The following PHC3 variants were observed in gnomAD, a reference collection of about 807,000 sequenced individuals.
The protein encoded by PHC3 is polyhomeotic-like protein 3.
A neutral mutation model predicts 107.4 loss-of-function variants in PHC3; 13 were observed. That is an observed-to-expected ratio of 0.12 (90% CI 0.08 to 0.19). PHC3 has a LOEUF of 0.19. PHC3 is among the 10% of genes least tolerant of loss of function. The pLI, the probability that PHC3 is intolerant of heterozygous loss-of-function variation, is 1.00. For synonymous variants in PHC3, 456 were observed against 427.4 expected (o/e 1.07, Z -0.83); for missense variants, 992 against 1,210.9 (o/e 0.82, Z 2.68).
chr3:170,171,146 T>G, intron 4 of PHC3: 1 of 570,250 alleles, frequency 1.8e-6, no homozygotes, highest in Non-Finnish European at 3.1e-6. Flanking sequence ...TCAGTGCAAA[T>G]GGATATACAA....
chr3:170,165,383 A>G (rs1728551683), intron 4 of PHC3, among the ~76,000 whole-genome samples: 1 of 152,208 alleles, frequency 6.6e-6, no homozygotes, highest in Non-Finnish European at 1.5e-5. Flanking sequence ...CATCACGTCC[A>G]GAACCAGGAA....
Position 170,117,290 on chromosome 3 carries a change from T to G in PHC3, c.2129A>C (p.Lys710Thr). The change falls in exon 10 of 15, where the codon AAA becomes ACA. Residue 710 changes from lysine to threonine, a missense_variant. Physicochemically the swap from Lys to Thr is moderately conservative, Grantham distance 78. Transcript: ENST00000495893. Reference protein sequence around the residue: ...IENKPPQAIVKPQILTHVIEG... With the variant: ...IENKPPQAIVTPQILTHVIEG... ...AATAACATGGGTTAGGATCTGTGGT[T>G]TAACAATAGCCTGTGGAGGTTTGTT... 1.9e-6 allele frequency: 3 copies of G among 1,614,022 alleles called. No homozygotes were observed. The South Asian group carries it at 3.3e-5, about 18-fold the overall frequency.
chr3:170,116,616 G>A (rs1470340317), intron 10 of PHC3, among the ~76,000 whole-genome samples: 2 of 151,884 alleles, frequency 1.3e-5, no homozygotes, highest in Non-Finnish European at 2.9e-5. Context: ...CACTTCAGCT[G>A]TCATTTCAGT....
At chr3:170,114,868 TACTC>T (rs1295031348) in intron 10 of PHC3, among the ~76,000 whole-genome samples, 1 of 152,232 alleles carries the variant, frequency 6.6e-6, no homozygotes, top group East Asian at 1.9e-4. Flanking sequence ...AGAGTATAAT[TACTC>T]ACAAACTTTT....
chr3:170,144,612 A>G (rs1724659671), intron 6 of PHC3, among the ~76,000 whole-genome samples: 1 of 152,178 alleles, frequency 6.6e-6, no homozygotes, highest in Non-Finnish European at 1.5e-5. Flanking sequence ...AATGTATGAG[A>G]GTCTGGATGC....
At position 170,171,379 on chromosome 3, in the gene PHC3, T is replaced by C. The variant is rs771308711; in HGVS notation, c.408A>G (p.Gln136=). 1 of 1,602,096 alleles carries C rather than the reference T, an allele frequency of 6.2e-7. No individual in the cohort carries two copies. Among genetic ancestry groups the C allele is most frequent in the South Asian group, 1.1e-5 (1 of 87,752 alleles). ...AAAAATTTAGGGAACTTACAGACGT[T>C]TGGGACATACTTGACTGCTGTGTGA... ...GSVTQQSSMS[Q]TSINLSTSPT... The change falls in exon 4 of 15, where the codon CAA becomes CAG. Residue 136 remains glutamine (Q), a synonymous_variant. Coordinates refer to ENST00000495893, the MANE Select transcript of PHC3 (RefSeq NM_024947.4).
In PHC3 at chr3:170,118,511, A is replaced by C. The variant is rs1434108511; in HGVS notation, c.1943-1035T>G. ...ACTGCAAGCTCTGCCTCCCGGGTTC[A>C]TGCCATTCTCCTGCCTCAGCCTCCC... On this transcript the variant is annotated intron_variant, in intron 9 of 14. Transcript: ENST00000495893. Among the ~76,000 whole-genome samples, 4 of 152,204 alleles carry C rather than the reference A, an allele frequency of 2.6e-5. No homozygotes were observed. The East Asian group carries it at 7.7e-4, about 29-fold the overall frequency.
At chr3:170,107,516 G>A (rs562574172) in intron 11 of PHC3, among the ~76,000 whole-genome samples, 13 of 152,298 alleles carry the variant, frequency 8.5e-5, no homozygotes, top group Admixed American at 6.5e-4. Context: ...GGCTGAGGCA[G>A]AAGAATCGTT....
chr3:170,118,978 T>TA (rs1208469183), intron 9 of PHC3, among the ~76,000 whole-genome samples: 1 of 101,168 alleles, frequency 9.9e-6, no homozygotes, highest in African/African-American at 4.0e-5. Context: ...TCCACCAAAA[T>TA]AAACCGTACT....
chr3:170,121,400 T>A (rs1349242031), intron 9 of PHC3, among the ~76,000 whole-genome samples: 1 of 152,166 alleles, frequency 6.6e-6, no homozygotes, highest in African/African-American at 2.4e-5. Context: ...TTTAAAAAAA[T>A]AACACGAAAC....
At chr3:170,102,237 G>A (rs1404824640) in intron 14 of PHC3, 3 of 985,402 alleles carry the variant, frequency 3.0e-6, no homozygotes, top group Non-Finnish European at 3.6e-6. Context: ...ACCGGCTGAG[G>A]TGTCACAGCA....
chr3:170,160,082 G>T (rs1280746854), intron 4 of PHC3, among the ~76,000 whole-genome samples: 1 of 152,062 alleles, frequency 6.6e-6, no homozygotes, highest in Admixed American at 6.5e-5. Context: ...TAAAACCTTT[G>T]TTCACTTTCA....
chr3:170,117,021 T>G, intron 10 of PHC3: 2 of 592,024 alleles, frequency 3.4e-6, no homozygotes, highest in Non-Finnish European at 5.5e-6. Flanking sequence ...ATTTTTTCCC[T>G]TAGTTTATGC....
In PHC3 at chr3:170,180,305, C is replaced by T. The variant is rs114670728; in HGVS notation, c.15-1367G>A. 1.8e-3 allele frequency among the ~76,000 whole-genome samples: 274 copies of T among 152,106 alleles called. 1 individual carries two copies. Among genetic ancestry groups the T allele is most frequent in the African/African-American group, 6.4e-3 (267 of 41,494 alleles). ...TACAAATGAAAAATAAAAAATTAGC[C>T]AGGCCTGGTGGCACAGGACTGTGGT... is the stretch of plus-strand genomic sequence containing the variant. On this transcript the variant is annotated intron_variant, in intron 1 of 14. Coordinates refer to ENST00000495893, the MANE Select transcript of PHC3 (RefSeq NM_024947.4).
chr3:170,133,758 G>A (rs1722623539), intron 7 of PHC3, among the ~76,000 whole-genome samples: 1 of 152,092 alleles, frequency 6.6e-6, no homozygotes, highest in South Asian at 2.1e-4. Flanking sequence ...ACCATCAGAG[G>A]AATGCAAACT....
Position 170,097,298 on chromosome 3 carries a change from C to T in PHC3, c.2920G>A (p.Ala974Thr). 6.2e-7 allele frequency: 1 copy of T among 1,613,564 alleles called. No homozygotes were observed. The highest frequency in any genetic ancestry group is 8.5e-7 in the Non-Finnish European group (1 of 1,179,578). The change falls in exon 15 of 15, where the codon GCA becomes ACA. Residue 974 changes from alanine (A) to threonine (T), a missense_variant. Transcript: ENST00000495893. This position sits in a 1 kb window ranked among gnomAD's most constrained non-coding sequence, Gnocchi z 4.1. ...GCTGGGCCTAGCTTGATATTCATTG[C>T]ACTCATGAGATGGTCTTCTTTCAGC... is the stretch of plus-strand genomic sequence containing the variant. ...LLLKEDHLMS[A>T]MNIKLGPALK... is the part of the protein sequence containing the mutation.
In PHC3 at chr3:170,089,941, A is replaced by AG. The variant is rs1359753203; in HGVS notation, c.*7288_*7289insC. On this transcript the variant is annotated 3_prime_UTR_variant, in exon 15 of 15. Transcript: ENST00000495893. ...AAAAAAAAAAAAAGAAAAAAAAAAA[A>AG]AAAGAAAGAAAGTTGCTCACTGTCA... The AG allele has an allele frequency of 1.3e-5, 2 of 151,420 alleles. No homozygotes were observed. The highest frequency in any genetic ancestry group is 4.9e-5 in the African/African-American group (2 of 41,202). The allele number at this position is 151,420 out of a possible 1,614,324, so 9.4% of individuals were successfully genotyped here.
At chr3:170,143,897 T>C (rs747074151) in intron 6 of PHC3, among the ~76,000 whole-genome samples, 2 of 152,128 alleles carry the variant, frequency 1.3e-5, no homozygotes, top group Non-Finnish European at 2.9e-5. Flanking sequence ...CACTATAGTT[T>C]TTCCTGTTCT....
rs758149453 is a variant in PHC3 at position 170,149,073 on chromosome 3, G to A, written c.573+13C>T. ...CCTTAAACACTGAAAAAATTTGGTA[G>A]CTCATATCTTACCATTTGAGCTCGG... On this transcript the variant is annotated intron_variant, in intron 5 of 14. Coordinates refer to ENST00000495893, the MANE Select transcript of PHC3 (RefSeq NM_024947.4). The A allele has an allele frequency of 1.2e-6, 2 of 1,609,890 alleles. No individual in the cohort carries two copies. The highest frequency in any genetic ancestry group is 1.7e-6 in the Non-Finnish European group (2 of 1,178,286).
Sources: allele counts gnomAD v4.1 joint callset (sites outside exome capture counted in the v4.1 genomes callset), GRCh38; gene constraint gnomAD v4.1.1; non-coding constraint Gnocchi (gnomAD v3.1); transcripts MANE v1.5; gene names NCBI Gene and HGNC (gene_info 2026-07-23, HGNC 2026-07-21).